Variants in NUP210 observed in about 807,000 individuals in gnomAD.
NUP210 encodes the protein nucleoporin 210.
NUP210 carries 151 observed loss-of-function variants against 196.0 expected under a neutral mutation model. That is an observed-to-expected ratio of 0.77 (90% CI 0.67 to 0.88). The LOEUF (loss-of-function observed/expected upper bound fraction) is 0.88. NUP210 is among the 40% of genes least tolerant of loss of function. The pLI is 0.00. For missense variants in NUP210, 2,314 were observed against 2,493.7 expected (o/e 0.93, Z 1.53); for synonymous variants, 1,070 against 1,052.7 (o/e 1.02, Z -0.32).
At chr3:13,419,744 G>C (rs935581336) in intron 1 of NUP210, among the ~76,000 whole-genome samples, 3 of 151,932 alleles carry the variant, frequency 2.0e-5, no homozygotes, top group Non-Finnish European at 4.4e-5. Flanking sequence ...GGCCCGGCCG[G>C]CTTGGGCCCT....
chr3:13,384,152 G>A (rs939099594), intron 6 of NUP210, among the ~76,000 whole-genome samples: 1 of 150,470 alleles, frequency 6.6e-6, no homozygotes, highest in Admixed American at 6.6e-5. Flanking sequence ...TAGTAGAGGC[G>A]GGGTTTCACC....
chr3:13,336,511 T>G (rs1026337262), intron 27 of NUP210, among the ~76,000 whole-genome samples: 2 of 152,134 alleles, frequency 1.3e-5, no homozygotes, highest in African/African-American at 4.8e-5. Context: ...CAGAAAATGG[T>G]CAGAAGCTGC....
intron 34 of NUP210, among the ~76,000 whole-genome samples, chr3:13,322,587 G>A (rs1696585136): frequency 6.6e-6 from 1 of 152,266 alleles, no homozygotes; most frequent in African/African-American, 2.4e-5. Context: ...ATTTGTTCCA[G>A]ACCTTGCATC....
intron 13 of NUP210, among the ~76,000 whole-genome samples, chr3:13,366,708 G>A (rs1441552834): frequency 6.6e-6 from 1 of 150,748 alleles, no homozygotes; most frequent in African/African-American, 2.4e-5. Context: ...TAGTAGAGAT[G>A]GGGTTTCACC....
chr3:13,398,686 A>G (rs1232265202), intron 2 of NUP210, among the ~76,000 whole-genome samples: 1 of 152,154 alleles, frequency 6.6e-6, no homozygotes, highest in Non-Finnish European at 1.5e-5. Flanking sequence ...GTGGGAGGCC[A>G]AGGCAGAAGG....
At chr3:13,378,827 G>A in intron 8 of NUP210, 85 bp downstream of exon 8, 1 of 1,005,694 alleles carries the variant, frequency 9.9e-7, no homozygotes, top group Non-Finnish European at 1.6e-6. Context: ...CATTTTCTGT[G>A]GAGCTATTGC....
intron 12 of NUP210, 105 bp from the exon 13 acceptor site, chr3:13,372,137 A>G: frequency 1.9e-6 from 2 of 1,065,150 alleles, no homozygotes; most frequent in African/African-American, 1.6e-5. Context: ...CTGAGGATAC[A>G]TCTGTGAGAA....
chr3:13,330,548 G>A lies in NUP210; in HGVS notation c.4022C>T (p.Ala1341Val). 1 of 1,614,214 alleles carries A rather than the reference G, an allele frequency of 6.2e-7. No individual in the cohort carries two copies. The change falls in exon 30 of 40, where the codon GCA (alanine) becomes GTA (valine). Residue 1341 changes from alanine (A) to valine (V), a missense_variant. Transcript: ENST00000254508. ...GGATGTCCCGATCATAGACCCTGAT[G>A]CTAGAAAGCCTTTCTCATCAACATG... ...VVHVDEKGFL[A>V]SGSMIGTSTI...
At position 13,379,296 on chromosome 3, in the gene NUP210, G is replaced by A. The variant is rs1022592307; in HGVS notation, c.976+267C>T. 1.6e-4 allele frequency among the ~76,000 whole-genome samples: 25 copies of A among 152,170 alleles called. No individual in the cohort carries two copies. The highest frequency in any genetic ancestry group is 6.5e-5 in the Admixed American group (1 of 15,282). On this transcript the variant is annotated intron_variant, in intron 7 of 39. Transcript: ENST00000254508. This position sits in a 1 kb window ranked among gnomAD's most constrained non-coding sequence, Gnocchi z 4.2. ...GCCCCCGCCAGGCCCCCTCTGAGAA[G>A]GCTGCAGGTACTGGAGAAGTTTCTG...
At chr3:13,386,523 A>C in intron 5 of NUP210, 116 bp from the exon 6 acceptor site, 1 of 1,322,082 alleles carries the variant, frequency 7.6e-7, no homozygotes, top group Non-Finnish European at 1.0e-6. Context: ...AAGAGGAAAG[A>C]AACAAGATAT....
At chr3:13,415,565 C>T (rs560244486) in intron 1 of NUP210, among the ~76,000 whole-genome samples, 97 of 152,262 alleles carry the variant, frequency 6.4e-4, no homozygotes, top group African/African-American at 2.3e-3. Flanking sequence ...ACACTCTCAA[C>T]GAAAAGAGCA....
intron 6 of NUP210, among the ~76,000 whole-genome samples, chr3:13,381,333 C>A (rs1202757751): frequency 6.6e-6 from 1 of 151,992 alleles, no homozygotes; most frequent in Non-Finnish European, 1.5e-5. Flanking sequence ...CAGATGTAAC[C>A]CTCCTTGCAA....
intron 1 of NUP210, among the ~76,000 whole-genome samples, chr3:13,411,050 A>T (rs1220953558): frequency 2.0e-4 from 31 of 151,918 alleles, no homozygotes; most frequent in Non-Finnish European, 4.6e-4. Flanking sequence ...TGAGTCTCTA[A>T]AAAATAATAA....
In NUP210 at chr3:13,379,792, C is replaced by T. The variant is rs1421844031; in HGVS notation, c.818-71G>A. On this transcript the variant is annotated intron_variant, in intron 6 of 39. Transcript: ENST00000254508. The surrounding 1 kb of genome is among the most constrained non-coding windows in gnomAD (Gnocchi z 4.2). The stretch of plus-strand genomic sequence containing the variant: ...ACAGGAAATGTTAGAAGCCAATACA[C>T]TCCCACTGCCACCCCGAATCTCTGC... 2.0e-5 allele frequency: 26 copies of T among 1,326,290 alleles called. No individual in the cohort carries two copies. The highest frequency in any genetic ancestry group is 2.5e-5 in the Non-Finnish European group (24 of 975,030). 82.2% of individuals were successfully genotyped at this position (1,326,290 alleles called of 1,614,324 possible).
chr3:13,388,224 T>C, intron 5 of NUP210, 79 bp downstream of exon 5: 1 of 1,104,244 alleles, frequency 9.1e-7, no homozygotes, highest in Admixed American at 2.4e-5. Flanking sequence ...CCTATAGGTG[T>C]GATGGTACCT....
intron 31 of NUP210, among the ~76,000 whole-genome samples, 195 bp from the exon 32 acceptor site, chr3:13,327,632 C>T (rs1696821883): frequency 6.6e-6 from 1 of 152,226 alleles, no homozygotes; most frequent in Non-Finnish European, 1.5e-5. Context: ...ACAGGCTCGA[C>T]CTCCTCACTT....
intron 1 of NUP210, among the ~76,000 whole-genome samples, chr3:13,417,784 C>G (rs1700394716): frequency 6.6e-6 from 1 of 152,152 alleles, no homozygotes; most frequent in Admixed American, 6.5e-5. Context: ...AGATCAACGC[C>G]AAACACGTTA....
chr3:13,372,597 A>G (rs1698769476), intron 12 of NUP210, among the ~76,000 whole-genome samples: 1 of 152,164 alleles, frequency 6.6e-6, no homozygotes, highest in Admixed American at 6.5e-5. Context: ...TGTGTTCTGA[A>G]TGTCTGGCTC....
At chr3:13,343,339 T>TGGGGTGGGGGGG in intron 20 of NUP210, 36 bp from the exon 21 acceptor site, 4 of 282,502 alleles carry the variant, frequency 1.4e-5, no homozygotes, top group East Asian at 8.4e-5. Context: ...GGGTGGGTGG[T>TGGGGTGGGGGGG]GGGTTACGCA....
Sources: allele counts gnomAD v4.1 joint callset (sites outside exome capture counted in the v4.1 genomes callset), GRCh38; gene constraint gnomAD v4.1.1; non-coding constraint Gnocchi (gnomAD v3.1); transcripts MANE v1.5; gene names NCBI Gene and HGNC (gene_info 2026-07-23, HGNC 2026-07-21).